Variants in ZFYVE16 observed in about 807,000 individuals in gnomAD.
The protein encoded by ZFYVE16 is zinc finger FYVE domain-containing protein 16.
In ZFYVE16, 89 loss-of-function variants were observed where a neutral mutation model predicts 138.1. That is an observed-to-expected ratio of 0.64 (90% CI 0.54 to 0.77). The LOEUF (loss-of-function observed/expected upper bound fraction) is 0.77. Ranked by LOEUF, ZFYVE16 falls within the 30% of genes least tolerant of loss-of-function variation. The pLI is 0.00. For synonymous variants in ZFYVE16, 596 were observed against 618.3 expected (o/e 0.96, Z 0.53); for missense variants, 1,793 against 1,786.7 (o/e 1.00, Z -0.06).
chr5:80,441,878 T>A (rs1443614948), intron 5 of ZFYVE16: 7 of 985,246 alleles, frequency 7.1e-6, no homozygotes, highest in Non-Finnish European at 8.4e-6. Context: ...GGGAGAGCTA[T>A]CAGTGTTCCT....
intron 17 of ZFYVE16, 110 bp downstream of exon 17, chr5:80,473,969 T>C: frequency 1.3e-6 from 1 of 748,944 alleles, no homozygotes; most frequent in Non-Finnish European, 2.2e-6. Flanking sequence ...TATTATACTT[T>C]TTATGCTACA....
chr5:80,433,438 G>A (rs1372793431), intron 2 of ZFYVE16, among the ~76,000 whole-genome samples: 1 of 152,142 alleles, frequency 6.6e-6, no homozygotes, highest in Non-Finnish European at 1.5e-5. Context: ...GGCCTGTCGT[G>A]GTGTGGGGAG....
chr5:80,458,516 C>G (rs945812916), intron 14 of ZFYVE16, among the ~76,000 whole-genome samples: 24 of 152,054 alleles, frequency 1.6e-4, no homozygotes, highest in African/African-American at 5.3e-4. Context: ...TTGTTGTTAA[C>G]ACACTTTGGA....
intron 15 of ZFYVE16, among the ~76,000 whole-genome samples, chr5:80,467,335 G>A (rs1225860614): frequency 2.0e-5 from 3 of 152,184 alleles, no homozygotes; most frequent in Non-Finnish European, 4.4e-5. Context: ...AAGGTCCTAT[G>A]TGTCCACCTC....
At chr5:80,472,948 A>G (rs1182965778) in intron 16 of ZFYVE16, 25 bp downstream of exon 16, 4 of 1,556,640 alleles carry the variant, frequency 2.6e-6, no homozygotes, top group South Asian at 1.2e-5. Flanking sequence ...ATTCTAAAAT[A>G]TAATTGATTT....
At chr5:80,465,713 C>T (rs1327373504) in intron 15 of ZFYVE16, among the ~76,000 whole-genome samples, 1 of 149,918 alleles carries the variant, frequency 6.7e-6, no homozygotes, top group Non-Finnish European at 1.5e-5. Flanking sequence ...CTGGCCTCTA[C>T]ATAGTTTCTG....
rs745347833 is a variant in ZFYVE16, at chr5:80,438,784, G to T, written c.2099G>T (p.Ser700Ile). The change falls in exon 4 of 19, where the codon AGC becomes ATC. Residue 700 changes from serine (S) to isoleucine (I), a missense_variant. Ser to Ile is a moderately radical substitution (Grantham distance 142, BLOSUM62 -2). Around this residue, in one of 2 missense-constraint regions of ZFYVE16, gnomAD observed 1,295 missense variants for 1,204.3 expected, o/e 1.08. Coordinates refer to ENST00000505560, the MANE Select transcript of ZFYVE16 (RefSeq NM_001284236.3). ...AIDSTADPQVSFNSNYIDIES... is the reference protein window; with the variant it reads ...AIDSTADPQVIFNSNYIDIES... ...GATTCTACAGCTGATCCACAGGTTA[G>T]CTTCAACTCTAATTACATTGATATA... is the stretch of plus-strand genomic sequence containing the variant. 2.6e-5 allele frequency: 42 copies of T among 1,614,000 alleles called. No individual in the cohort carries two copies. In the South Asian group the frequency reaches 4.2e-4, roughly 16 times the overall value.
intron 2 of ZFYVE16, among the ~76,000 whole-genome samples, chr5:80,431,530 A>T (rs976063345): frequency 7.9e-5 from 12 of 152,220 alleles, no homozygotes; most frequent in Non-Finnish European, 1.6e-4. Context: ...AACTGGCACA[A>T]GACAGGGATG....
At chr5:80,422,407 A>G (rs1257512224) in intron 1 of ZFYVE16, among the ~76,000 whole-genome samples, 8 of 152,052 alleles carry the variant, frequency 5.3e-5, no homozygotes, top group African/African-American at 1.2e-4. Context: ...GTTTCCCTCT[A>G]CTCATAGTTT....
Position 80,437,465 on chromosome 5 carries a change from C to G in ZFYVE16, c.780C>G (p.Asp260Glu). The G allele has an allele frequency of 6.2e-7, 1 of 1,602,982 alleles. No homozygotes were observed. Residue 260 changes from aspartate to glutamate, a missense_variant, in exon 4 of 19, where the codon GAC becomes GAG. This residue lies in a region of ZFYVE16 where 1,295 missense variants were observed against 1,204.3 expected (regional missense o/e 1.08). Coordinates refer to ENST00000505560, the MANE Select transcript of ZFYVE16 (RefSeq NM_001284236.3). ...RQSSKMFHAK[D>E]KLQHKSQPCG... Reference sequence around the variant, plus strand: ...GTTCCAAAATGTTTCATGCCAAAGACAAGCTACAACACAAGAGCCAGCCAT... The same window carrying G: ...GTTCCAAAATGTTTCATGCCAAAGAGAAGCTACAACACAAGAGCCAGCCAT...
intron 15 of ZFYVE16, among the ~76,000 whole-genome samples, chr5:80,465,245 G>C (rs1471721332): frequency 6.6e-6 from 1 of 151,698 alleles, no homozygotes; most frequent in Non-Finnish European, 1.5e-5. Context: ...CTCTGTTTTT[G>C]TTTATCTGGG....
chr5:80,469,360 G>GC (rs2112534815), intron 15 of ZFYVE16, among the ~76,000 whole-genome samples: 1 of 151,570 alleles, frequency 6.6e-6, no homozygotes, highest in African/African-American at 2.4e-5. Context: ...TCCTTCCTCA[G>GC]CCTCTGAGTA....
At chr5:80,408,728 T>C (rs1744996753) in intron 1 of ZFYVE16, among the ~76,000 whole-genome samples, 2 of 152,272 alleles carry the variant, frequency 1.3e-5, no homozygotes, top group South Asian at 4.1e-4. Flanking sequence ...GAGGACCTTA[T>C]TTTTAACTCT....
At chr5:80,472,703 C>G in intron 15 of ZFYVE16, 58 bp from the exon 16 acceptor site, 1 of 1,498,100 alleles carries the variant, frequency 6.7e-7, no homozygotes, top group Non-Finnish European at 9.0e-7. Flanking sequence ...AATTTTATGG[C>G]TTAGATATAC....
chr5:80,472,791 C>G lies in ZFYVE16; in HGVS notation c.4055C>G (p.Thr1352Ser). ...TTAATGGTACAAATAACTCCAGAGA[C>G]CATGAATGGCTTGCGGCTAGCTTTA... ...DGLMVQITPETMNGLRLALRE... is the reference protein window; with the variant it reads ...DGLMVQITPESMNGLRLALRE... The change falls in exon 16 of 19, where the codon ACC becomes AGC. Residue 1352 changes from threonine to serine, a missense_variant. Thr to Ser is a moderately conservative substitution (Grantham distance 58). Around this residue, in one of 2 missense-constraint regions of ZFYVE16, gnomAD observed 498 missense variants for 582.4 expected, o/e 0.86. Transcript: ENST00000505560. 1 of 1,613,870 alleles carries G rather than the reference C, an allele frequency of 6.2e-7. No homozygotes were observed. Among genetic ancestry groups the G allele is most frequent in the South Asian group, 1.1e-5 (1 of 91,068 alleles).
Position 80,448,287 on chromosome 5 carries a change from T to A in ZFYVE16, c.2986T>A (p.Ser996Thr), listed in dbSNP as rs199866063. ...VNSNLPIASI[S>T]DYRLLCDINK... is the part of the protein sequence containing the mutation. Reference sequence around the variant, plus strand: ...CAGCAATTTACCTATTGCTAGTATTTCAGATTATAGGTTACTGTGTGATAT... The same window carrying A: ...CAGCAATTTACCTATTGCTAGTATTACAGATTATAGGTTACTGTGTGATAT... Residue 996 changes from serine (S) to threonine (T), a missense_variant, in exon 8 of 19, where the codon TCA (serine) becomes ACA (threonine). By Grantham distance (58) the Ser-to-Thr change is moderately conservative. This residue lies in a region of ZFYVE16 where 1,295 missense variants were observed against 1,204.3 expected (regional missense o/e 1.08). Transcript: ENST00000505560. 22 of 1,613,550 alleles carry A rather than the reference T, an allele frequency of 1.4e-5. No homozygotes were observed. The East Asian group carries it at 4.5e-4, about 33-fold the overall frequency.
chr5:80,426,234 G>C (rs1748001113), intron 1 of ZFYVE16, among the ~76,000 whole-genome samples: 2 of 131,972 alleles, frequency 1.5e-5, no homozygotes, highest in African/African-American at 5.9e-5. Flanking sequence ...GTGTGTATGT[G>C]TGTGTGTCTG....
intron 18 of ZFYVE16, among the ~76,000 whole-genome samples, chr5:80,475,750 T>C (rs1408749998): frequency 6.6e-6 from 1 of 152,226 alleles, no homozygotes; most frequent in Non-Finnish European, 1.5e-5. Flanking sequence ...TATTCATGCA[T>C]ATTTGATATA....
At chr5:80,451,059 G>A (rs1324451027) in intron 10 of ZFYVE16, among the ~76,000 whole-genome samples, 6 of 152,234 alleles carry the variant, frequency 3.9e-5, no homozygotes, top group African/African-American at 7.2e-5. Context: ...TGATCCGCCC[G>A]CCTCAGTCTC....
Sources: allele counts gnomAD v4.1 joint callset (sites outside exome capture counted in the v4.1 genomes callset), GRCh38; gene constraint gnomAD v4.1.1; regional missense constraint gnomAD v4.1.1; transcripts MANE v1.5; gene names NCBI Gene and HGNC (gene_info 2026-07-23, HGNC 2026-07-21).